Variants in HK2 observed in about 807,000 individuals in gnomAD.
The protein encoded by HK2 is hexokinase-2.
A neutral mutation model predicts 92.9 loss-of-function variants in HK2; 42 were observed. The observed-to-expected ratio is 0.45, with a 90% CI of 0.35 to 0.58. HK2 has a LOEUF of 0.58. Ranked by LOEUF, HK2 falls within the 20% of genes least tolerant of loss-of-function variation. HK2 has a pLI of 0.00. For missense variants in HK2, 978 were observed against 1,245.1 expected (o/e 0.79, Z 3.23); for synonymous variants, 422 against 468.0 (o/e 0.90, Z 1.27).
Position 74,859,364 on chromosome 2 carries a change from A to C in HK2, c.226+4909A>C, listed in dbSNP as rs143518126. The stretch of plus-strand genomic sequence containing the variant: ...TGATGTAAGATCTAGATGAAGTGAA[A>C]TAAATCTTAAGAGTATTATCTGATA... On this transcript the variant is annotated intron_variant, in intron 2 of 17. Coordinates refer to ENST00000290573, the MANE Select transcript of HK2 (RefSeq NM_000189.5). Among the ~76,000 whole-genome samples, 127 of 152,310 alleles carry C rather than the reference A, an allele frequency of 8.3e-4. 1 individual carries two copies. The highest frequency in any genetic ancestry group is 2.9e-3 in the African/African-American group (122 of 41,566).
Position 74,880,521 on chromosome 2 carries a change from C to T in HK2, c.1522C>T (p.Pro508Ser). Residue 508 changes from proline to serine, a missense_variant, in exon 10 of 18, where the codon CCC (proline) becomes TCC (serine). This residue lies in a region of HK2 where 742 missense variants were observed against 922.5 expected (regional missense o/e 0.80). Transcript: ENST00000290573. Reference protein sequence around the residue: ...GLSKETHASAPVKMLPTYVCA... With the variant: ...GLSKETHASASVKMLPTYVCA... ...GAGCAAGGAGACTCATGCCAGTGCC[C>T]CCGTCAAGATGCTGCCCACCTACGT... The T allele has an allele frequency of 6.2e-7, 1 of 1,614,152 alleles. No homozygotes were observed. Among genetic ancestry groups the T allele is most frequent in the Non-Finnish European group, 8.5e-7 (1 of 1,180,014 alleles).
intron 2 of HK2, among the ~76,000 whole-genome samples, chr2:74,856,173 G>A (rs998759757): frequency 1.3e-5 from 2 of 151,382 alleles, no homozygotes; most frequent in South Asian, 2.1e-4. Flanking sequence ...GGGGCAGGGC[G>A]TGGGTCAGGG....
At position 74,834,555 on chromosome 2, in the gene HK2, ACT is replaced by A. The variant is rs755688357; in HGVS notation, c.-23_-22del. The A allele has an allele frequency of 5.9e-5, 95 of 1,612,958 alleles. No individual in the cohort carries two copies. The highest frequency in any genetic ancestry group is 3.7e-4 in the African/African-American group (28 of 74,770). On this transcript the variant is annotated 5_prime_UTR_variant, in exon 1 of 18. Transcript: ENST00000290573. The surrounding 1 kb of genome is among the most constrained non-coding windows in gnomAD (Gnocchi z 4.2). ...CTCGCGTCTCCGCCTCGGTTTCCCA[ACT>A]CTGCGCCGTCGGGCCGCGGCAGGAT...
At position 74,878,783 on chromosome 2, in the gene HK2, A is replaced by G. The variant is rs1414086289; in HGVS notation, c.1127A>G (p.Gln376Arg). Residue 376 changes from glutamine (Q) to arginine (R), a missense_variant, in exon 9 of 18, where the codon CAG becomes CGG. Around this residue, in one of 3 missense-constraint regions of HK2, gnomAD observed 742 missense variants for 922.5 expected, o/e 0.80. Coordinates refer to ENST00000290573, the MANE Select transcript of HK2 (RefSeq NM_000189.5). ...EDCVATHRIC[Q>R]IVSTRSASLC... is the part of the protein sequence containing the mutation. The stretch of plus-strand genomic sequence containing the variant: ...TGCGTGGCCACTCACCGGATCTGCC[A>G]GATCGTGTCCACACGCTCCGCCAGC... The G allele has an allele frequency of 1.3e-6, 2 of 1,575,366 alleles. No homozygotes were observed. Among genetic ancestry groups the G allele is most frequent in the South Asian group, 1.2e-5 (1 of 85,964 alleles).
At chr2:74,883,954 A>G (rs1320324034) in intron 12 of HK2, among the ~76,000 whole-genome samples, 1 of 152,228 alleles carries the variant, frequency 6.6e-6, no homozygotes, top group Non-Finnish European at 1.5e-5. Context: ...TTTTAAAACT[A>G]CTTTTCTTTA....
intron 1 of HK2, among the ~76,000 whole-genome samples, chr2:74,835,555 A>C (rs1688142261): frequency 6.6e-6 from 1 of 151,214 alleles, no homozygotes; most frequent in Non-Finnish European, 1.5e-5. Context: ...TACATAAGAA[A>C]GAGCCTCAGG....
At chr2:74,847,147 C>T (rs1477763253) in intron 1 of HK2, among the ~76,000 whole-genome samples, 1 of 152,196 alleles carries the variant, frequency 6.6e-6, no homozygotes, top group African/African-American at 2.4e-5. Context: ...CACAGGCATC[C>T]TGCATCCTTT....
chr2:74,841,313 AGT>A (rs1688310732), intron 1 of HK2, among the ~76,000 whole-genome samples: 3 of 151,640 alleles, frequency 2.0e-5, no homozygotes, highest in South Asian at 4.2e-4. Flanking sequence ...GGTTTGGGTG[AGT>A]GTGTGTTACT....
chr2:74,881,431 T>C (rs1689388742), intron 10 of HK2, among the ~76,000 whole-genome samples: 1 of 152,198 alleles, frequency 6.6e-6, no homozygotes, highest in Non-Finnish European at 1.5e-5. Flanking sequence ...AGGAATGCAG[T>C]GTCTCCCTCA....
At position 74,854,400 on chromosome 2, in the gene HK2, T is replaced by C. The variant is rs139553168; in HGVS notation, c.171T>C (p.Pro57=). The C allele has an allele frequency of 3.1e-6, 5 of 1,614,102 alleles. No homozygotes were observed. In the African/African-American group the frequency reaches 6.7e-5, roughly 22 times the overall value. Residue 57 remains proline, a synonymous_variant, in exon 2 of 18, where the codon CCT becomes CCC. Coordinates refer to ENST00000290573, the MANE Select transcript of HK2 (RefSeq NM_000189.5). ...AAGGGCTTGGAGCCACCACTCACCC[T>C]ACTGCAGCAGTGAAGATGCTGCCCA... ...MEKGLGATTH[P]TAAVKMLPTF...
At chr2:74,874,829 C>A (rs752103186) in intron 7 of HK2, among the ~76,000 whole-genome samples, 1 of 152,150 alleles carries the variant, frequency 6.6e-6, no homozygotes, top group Non-Finnish European at 1.5e-5. Context: ...CCTTTCATAG[C>A]TCCAACTCCA....
chr2:74,847,480 C>G (rs141093393), intron 1 of HK2, among the ~76,000 whole-genome samples: 2 of 152,074 alleles, frequency 1.3e-5, no homozygotes, highest in Admixed American at 6.6e-5. Context: ...GAGTTTGAGA[C>G]CAGTCTGGAC....
rs1379292960 is a variant in HK2 at position 74,881,778 on chromosome 2, G to A, written c.1638G>A (p.Arg546=). 7 of 1,614,222 alleles carry A rather than the reference G, an allele frequency of 4.3e-6. No homozygotes were observed. The highest frequency in any genetic ancestry group is 5.9e-6 in the Non-Finnish European group (7 of 1,180,052). ...TCCGGGTCCTGCTGGTCCGTGTTCG[G>A]AATGGGAAGTGGGGTGGAGTGGAGA... The part of the protein sequence containing the change: ...TNFRVLLVRV[R]NGKWGGVEMH... The change falls in exon 11 of 18, where the codon CGG becomes CGA. Residue 546 remains arginine (R), a synonymous_variant. Transcript: ENST00000290573.
chr2:74,851,053 A>G (rs1478057406), intron 1 of HK2, among the ~76,000 whole-genome samples: 1 of 147,912 alleles, frequency 6.8e-6, no homozygotes, highest in Non-Finnish European at 1.5e-5. Flanking sequence ...CATGTGATGG[A>G]GAGGAAAATA....
chr2:74,871,223 A>G (rs544589035), intron 3 of HK2, among the ~76,000 whole-genome samples: 2 of 152,316 alleles, frequency 1.3e-5, no homozygotes, highest in South Asian at 4.1e-4. Context: ...ACATGTTCCC[A>G]GGTTAAGGGA....
At chr2:74,885,060 C>T (rs908271634) in intron 12 of HK2, among the ~76,000 whole-genome samples, 2 of 152,150 alleles carry the variant, frequency 1.3e-5, no homozygotes, top group Non-Finnish European at 2.9e-5. Flanking sequence ...GCCCAGTGAG[C>T]GAACCAAGCA....
At chr2:74,887,071 C>T (rs1444138549) in intron 15 of HK2, among the ~76,000 whole-genome samples, 2 of 152,226 alleles carry the variant, frequency 1.3e-5, no homozygotes, top group Non-Finnish European at 2.9e-5. Flanking sequence ...GGGCCAGCCC[C>T]AGTGTCACAA....
chr2:74,868,622 T>C (rs1689020010), intron 3 of HK2, among the ~76,000 whole-genome samples: 1 of 152,220 alleles, frequency 6.6e-6, no homozygotes, highest in African/African-American at 2.4e-5. Context: ...TGCTGTCACT[T>C]TCTGTGGCTA....
chr2:74,835,206 G>GC (rs1424156177), intron 1 of HK2: 4 of 164,472 alleles, frequency 2.4e-5, no homozygotes, highest in African/African-American at 9.7e-5. Flanking sequence ...GAGGAACTCC[G>GC]CCCGCCGCGC....
Sources: allele counts gnomAD v4.1 joint callset (sites outside exome capture counted in the v4.1 genomes callset), GRCh38; gene constraint gnomAD v4.1.1; regional missense constraint gnomAD v4.1.1; non-coding constraint Gnocchi (gnomAD v3.1); transcripts MANE v1.5; gene names NCBI Gene and HGNC (gene_info 2026-07-23, HGNC 2026-07-21).